Variants in PGBD1 observed in about 807,000 individuals in gnomAD.
PGBD1 encodes the protein piggyBac transposable element-derived protein 1.
A neutral mutation model predicts 34.7 loss-of-function variants in PGBD1; 25 were observed. The ratio of observed to expected loss-of-function variants is 0.72; its 90% CI spans 0.52 to 1.00. The LOEUF is 1.00. Ranked by LOEUF, PGBD1 falls within the 50% of genes least tolerant of loss-of-function variation. PGBD1 has a pLI of 0.00. For synonymous variants in PGBD1, 292 were observed against 335.7 expected, an observed-to-expected ratio of 0.87 and a Z score of 1.42; for missense variants, 830 against 959.4, an observed-to-expected ratio of 0.87 and a Z score of 1.78.
chr6:28,297,736 T>C (rs1196002819), intron 5 of PGBD1, among the ~76,000 whole-genome samples, 159 bp from the exon 6 acceptor site: 1 of 152,050 alleles, frequency 6.6e-6, no homozygotes, highest in East Asian at 1.9e-4. Context: ...TTTTGTAGGA[T>C]TGCTGAAACT....
Position 28,296,886 on chromosome 6 carries a change from C to G in PGBD1, c.713C>G (p.Thr238Ser). The G allele has an allele frequency of 1.2e-6, 2 of 1,614,154 alleles. No homozygotes were observed. The highest frequency in any genetic ancestry group is 1.7e-6 in the Non-Finnish European group (2 of 1,180,002). ...GAGAAGTGGTCACATCTGAGTCTGA[C>G]TCGGAGGAACCTCTGTGGGAACTCA... ...AAEKWSHLSL[T>S]RRNLCGNSAQ... is the part of the protein sequence containing the mutation. Residue 238 changes from threonine to serine, a missense_variant, in exon 5 of 7, where the codon ACT becomes AGT. Around this residue, in one of 3 missense-constraint regions of PGBD1, gnomAD observed 457 missense variants for 515.4 expected, o/e 0.89. Coordinates refer to ENST00000682144, the MANE Select transcript of PGBD1 (RefSeq NM_032507.4).
Position 28,300,627 on chromosome 6 carries a change from A to C in PGBD1, c.870-97A>C. On this transcript the variant is annotated intron_variant, in intron 6 of 6. Coordinates refer to ENST00000682144, the MANE Select transcript of PGBD1 (RefSeq NM_032507.4). The surrounding 1 kb of genome is among the most constrained non-coding windows in gnomAD (Gnocchi z 4.0). ...AATAAGTAAGTATCCCCCCACACCC[A>C]CCCCAAGCCCCAAAAGATTTAAGCT... 37 of 1,291,596 alleles carry C rather than the reference A, an allele frequency of 2.9e-5. No individual in the cohort carries two copies. The highest frequency in any genetic ancestry group is 3.4e-5 in the Non-Finnish European group (32 of 945,284). 80.0% of individuals were successfully genotyped at this position (1,291,596 alleles called of 1,614,324 possible).
At chr6:28,297,768 A>G in intron 5 of PGBD1, 127 bp from the exon 6 acceptor site, 1 of 599,792 alleles carries the variant, frequency 1.7e-6, no homozygotes, top group Non-Finnish European at 2.8e-6. Flanking sequence ...AAACACCAAT[A>G]TGATTTGTTT....
At chr6:28,282,850 T>C (rs2113739413) in intron 1 of PGBD1, among the ~76,000 whole-genome samples, 1 of 152,144 alleles carries the variant, frequency 6.6e-6, no homozygotes, top group Non-Finnish European at 1.5e-5. Flanking sequence ...AGAGATATAT[T>C]GAAAGTGTGA....
At chr6:28,283,658 T>G in intron 1 of PGBD1, 118 bp from the exon 2 acceptor site, 1 of 865,028 alleles carries the variant, frequency 1.2e-6, no homozygotes, top group Non-Finnish European at 1.7e-6. Flanking sequence ...GCTCAGCTTT[T>G]GAGCATTACC....
Position 28,297,873 on chromosome 6 carries a change from A to C in PGBD1, c.773-22A>C, listed in dbSNP as rs553430723. 1.9e-5 allele frequency: 13 copies of C among 695,230 alleles called. No homozygotes were observed. The South Asian group carries it at 2.0e-4, about 11-fold the overall frequency. The allele number at this position is 695,230 out of a possible 1,614,324, so 43.1% of individuals were successfully genotyped here. On this transcript the variant is annotated intron_variant, in intron 5 of 6. Coordinates refer to ENST00000682144, the MANE Select transcript of PGBD1 (RefSeq NM_032507.4). The stretch of plus-strand genomic sequence containing the variant: ...AAATTCACATAACAGATGACATTTA[A>C]ATCATTAATGTTATATTTTAGCTGA...
At chr6:28,285,027 T>C (rs1762244844) in intron 2 of PGBD1, among the ~76,000 whole-genome samples, 1 of 152,250 alleles carries the variant, frequency 6.6e-6, no homozygotes, top group Admixed American at 6.5e-5. Flanking sequence ...TTAGTTGCCA[T>C]ATCTCTAGTC....
Position 28,287,172 on chromosome 6 carries a change from A to C in PGBD1, c.642+4A>C. The C allele has an allele frequency of 1.2e-6, 2 of 1,606,096 alleles. No individual in the cohort carries two copies. The highest frequency in any genetic ancestry group is 1.7e-6 in the Non-Finnish European group (2 of 1,172,752). On this transcript the variant is annotated splice_donor_region_variant and intron_variant, in intron 4 of 6. Transcript: ENST00000682144. ...GTTTAACCCAGTCAGGTCCCAGGTA[A>C]GTAGGATGCCCAAGCTTGTAGGAAT...
chr6:28,288,558 C>T (rs1353237590), intron 4 of PGBD1, among the ~76,000 whole-genome samples: 1 of 152,086 alleles, frequency 6.6e-6, no homozygotes, highest in Non-Finnish European at 1.5e-5. Context: ...AAAGCTTATT[C>T]AAAGAAATAA....
rs568405818 is a variant in PGBD1, at chr6:28,293,006, G to T, written c.643-3810G>T. On this transcript the variant is annotated intron_variant, in intron 4 of 6. Transcript: ENST00000682144. ...TTGCCAGGCTGGAGTGCAGTGGCGC[G>T]ATCTCAGCTCACTGCAACCTCTGGC... is the stretch of plus-strand genomic sequence containing the variant. 1.9e-3 allele frequency among the ~76,000 whole-genome samples: 285 copies of T among 152,124 alleles called. 1 individual carries two copies. Among genetic ancestry groups the T allele is most frequent in the African/African-American group, 5.3e-3 (220 of 41,508 alleles).
chr6:28,295,599 A>G (rs1437803237), intron 4 of PGBD1, among the ~76,000 whole-genome samples: 3 of 152,076 alleles, frequency 2.0e-5, no homozygotes, highest in African/African-American at 7.2e-5. Context: ...AAAGATCACA[A>G]CTCTCTGAAG....
chr6:28,297,938 A>G lies in PGBD1; in HGVS notation c.816A>G (p.Gln272=). The change falls in exon 6 of 7, where the codon CAA becomes CAG. Residue 272 remains glutamine, a synonymous_variant. Coordinates refer to ENST00000682144, the MANE Select transcript of PGBD1 (RefSeq NM_032507.4). Reference sequence around the variant, plus strand: ...AAGATAGATTGTTTAAAGCAAAGCAAGAAACTTCTGAAGAAATGGAACAAA... The same window carrying G: ...AAGATAGATTGTTTAAAGCAAAGCAGGAAACTTCTGAAGAAATGGAACAAA... ...VTKDRLFKAK[Q]ETSEEMEQSG... 1 of 1,611,288 alleles carries G rather than the reference A, an allele frequency of 6.2e-7. No individual in the cohort carries two copies. Among genetic ancestry groups the G allele is most frequent in the Non-Finnish European group, 8.5e-7 (1 of 1,178,308 alleles).
chr6:28,294,499 G>A (rs1324655443), intron 4 of PGBD1, among the ~76,000 whole-genome samples: 1 of 152,176 alleles, frequency 6.6e-6, no homozygotes, highest in Non-Finnish European at 1.5e-5. Flanking sequence ...TCAGTGCCTG[G>A]CTTCAAAGCT....
intron 4 of PGBD1, among the ~76,000 whole-genome samples, chr6:28,292,975 G>A (rs1280804228): frequency 6.6e-6 from 1 of 151,736 alleles, no homozygotes; most frequent in Non-Finnish European, 1.5e-5. Flanking sequence ...AGACAGTCTT[G>A]CTCTGTTGCC....
Position 28,302,150 on chromosome 6 carries a change from A to C in PGBD1, c.2296A>C (p.Met766Leu). Residue 766 changes from methionine (M) to leucine (L), a missense_variant, in exon 7 of 7, where the codon ATG becomes CTG. This residue lies in a region of PGBD1 where 372 missense variants were observed against 427.9 expected (regional missense o/e 0.87). Coordinates refer to ENST00000682144, the MANE Select transcript of PGBD1 (RefSeq NM_032507.4). ...KKWYSILVSYMIDVAMNNAWQ... is the reference protein window; with the variant it reads ...KKWYSILVSYLIDVAMNNAWQ... ...ATGGTACTCAATTTTGGTGAGCTACATGATTGATGTAGCCATGAACAATGC... is the reference window on the plus strand; with the variant it reads ...ATGGTACTCAATTTTGGTGAGCTACCTGATTGATGTAGCCATGAACAATGC... 6.2e-7 allele frequency: 1 copy of C among 1,614,206 alleles called. No homozygotes were observed. Among genetic ancestry groups the C allele is most frequent in the Non-Finnish European group, 8.5e-7 (1 of 1,180,030 alleles).
chr6:28,282,839 CAG>C (rs927787138), intron 1 of PGBD1, among the ~76,000 whole-genome samples: 2 of 151,944 alleles, frequency 1.3e-5, no homozygotes, highest in Non-Finnish European at 2.9e-5. Context: ...CTTCTTGGAA[CAG>C]AGATATATTG....
At chr6:28,293,091 C>T (rs1335608603) in intron 4 of PGBD1, among the ~76,000 whole-genome samples, 2 of 152,090 alleles carry the variant, frequency 1.3e-5, no homozygotes, top group African/African-American at 2.4e-5. Flanking sequence ...TACAGGCAAG[C>T]GCCATCACGC....
chr6:28,296,774 A>G (rs1762651335), intron 4 of PGBD1, 42 bp from the exon 5 acceptor site: 2 of 1,609,650 alleles, frequency 1.2e-6, no homozygotes, highest in Non-Finnish European at 1.7e-6. Context: ...ATTCCTTACC[A>G]TGTGAAAACA....
chr6:28,285,658 G>A lies in PGBD1; in HGVS notation c.504G>A (p.Leu168=), dbSNP rs1322967198. 5 of 1,614,006 alleles carry A rather than the reference G, an allele frequency of 3.1e-6. No individual in the cohort carries two copies. In the African/African-American group the frequency reaches 4.0e-5, roughly 13 times the overall value. The change falls in exon 3 of 7, where the codon CTG becomes CTA. Residue 168 remains leucine (L), a synonymous_variant. Coordinates refer to ENST00000682144, the MANE Select transcript of PGBD1 (RefSeq NM_032507.4). ...AGCTCCTGCCTGGGATAACCACCCT[G>A]AAGTGTGAACCTCCACAGCGTCCTC... ...SLQLLPGITT[L]KCEPPQRPQG...
Sources: gnomAD v4.1 joint callset for allele counts (sites outside exome capture counted in the v4.1 genomes callset) on GRCh38, gnomAD v4.1.1 for gene constraint, gnomAD v4.1.1 regional missense constraint, Gnocchi (gnomAD v3.1) non-coding constraint, MANE v1.5 for transcripts, NCBI Gene and HGNC (gene_info 2026-07-23, HGNC 2026-07-21) for gene names.